Variants in MTUS1 observed in about 807,000 individuals in gnomAD.
MTUS1 encodes the protein microtubule associated scaffold protein 1.
MTUS1 carries 109 observed loss-of-function variants against 120.8 expected under a neutral mutation model. The observed-to-expected ratio is 0.90, with a 90% CI of 0.77 to 1.06. MTUS1 has a LOEUF of 1.06. MTUS1 is among the 50% of genes least tolerant of loss of function. The probability of loss-of-function intolerance (pLI) is 0.00; values close to 1 mark genes in which losing one functional copy is unlikely to be tolerated. For missense variants in MTUS1, 2,210 were observed against 1,486.3 expected (o/e 1.49, Z -8.01); for synonymous variants, 737 against 550.5 (o/e 1.34, Z -4.74).
chr8:17,646,185 A>AC (rs981121487), intron 14 of MTUS1, 46 bp from the exon 15 acceptor site: 1 of 1,502,254 alleles, frequency 6.7e-7, no homozygotes, highest in Admixed American at 2.5e-5. Flanking sequence ...TAAAAAAAAA[A>AC]AAAACTTGAA....
chr8:17,659,158 G>A (rs996703385), intron 8 of MTUS1, among the ~76,000 whole-genome samples: 4 of 152,028 alleles, frequency 2.6e-5, no homozygotes, highest in African/African-American at 4.8e-5. Flanking sequence ...TGAGCAGTCT[G>A]AATTCTGATT....
chr8:17,796,877 C>T (rs2052282633), intron 1 of MTUS1, among the ~76,000 whole-genome samples: 1 of 152,176 alleles, frequency 6.6e-6, no homozygotes, highest in Non-Finnish European at 1.5e-5. Context: ...ATTTGGGAGG[C>T]TGACGTAGGC....
intron 1 of MTUS1, among the ~76,000 whole-genome samples, chr8:17,797,510 A>G (rs933038770): frequency 6.6e-6 from 1 of 152,200 alleles, no homozygotes; most frequent in Admixed American, 6.5e-5. Context: ...CCAGGTATAA[A>G]GTCTCCCTGG....
intron 8 of MTUS1, among the ~76,000 whole-genome samples, chr8:17,668,398 T>C (rs1811342333): frequency 1.3e-5 from 2 of 152,198 alleles, no homozygotes; most frequent in Non-Finnish European, 2.9e-5. Flanking sequence ...CTAAAGATCA[T>C]AATCATGGCC....
chr8:17,688,612 A>G (rs1816327204), intron 6 of MTUS1, among the ~76,000 whole-genome samples: 1 of 152,226 alleles, frequency 6.6e-6, no homozygotes, highest in East Asian at 1.9e-4. Flanking sequence ...AAGCCCTCAC[A>G]GGGACACTGA....
At chr8:17,774,238 T>C (rs1404853315) in intron 1 of MTUS1, among the ~76,000 whole-genome samples, 1 of 152,200 alleles carries the variant, frequency 6.6e-6, no homozygotes, top group African/African-American at 2.4e-5. Context: ...ACAATGCAGC[T>C]ACTACTAGTT....
At chr8:17,654,835 C>A (rs1387564708) in intron 9 of MTUS1, 169 bp from the exon 10 acceptor site, 3 of 597,030 alleles carry the variant, frequency 5.0e-6, no homozygotes, top group Non-Finnish European at 9.0e-6. Flanking sequence ...ACACTTGTAA[C>A]CTCAGCACTC....
At chr8:17,694,786 TAAG>T (rs780973306) in intron 6 of MTUS1, among the ~76,000 whole-genome samples, 23 of 151,886 alleles carry the variant, frequency 1.5e-4, no homozygotes, top group Non-Finnish European at 2.5e-4. Flanking sequence ...GGTAAAAAAA[TAAG>T]GAGACAAATC....
intron 6 of MTUS1, among the ~76,000 whole-genome samples, chr8:17,709,996 G>A (rs897063190): frequency 7.1e-6 from 1 of 140,272 alleles, no homozygotes; most frequent in African/African-American, 2.5e-5. Context: ...GACAGAGCAA[G>A]ACTCTGTCTC....
intron 1 of MTUS1, among the ~76,000 whole-genome samples, chr8:17,787,270 C>G (rs1237399432): frequency 6.6e-6 from 1 of 152,234 alleles, no homozygotes; most frequent in African/African-American, 2.4e-5. Flanking sequence ...TCAAAGTCCA[C>G]AGTGTTCCCA....
chr8:17,780,742 A>G (rs1379417551), intron 1 of MTUS1: 1 of 152,260 alleles, frequency 6.6e-6, no homozygotes, highest in African/African-American at 2.4e-5. Flanking sequence ...TTCTCAAAAC[A>G]GCAACCAGAG....
chr8:17,735,891 G>A (rs145851257), intron 3 of MTUS1, among the ~76,000 whole-genome samples: 1 of 152,306 alleles, frequency 6.6e-6, no homozygotes, highest in Non-Finnish European at 1.5e-5. Context: ...GAAATAATGA[G>A]CATACAGCAC....
intron 6 of MTUS1, among the ~76,000 whole-genome samples, chr8:17,689,345 A>T (rs924113302): frequency 6.6e-6 from 1 of 152,028 alleles, no homozygotes; most frequent in African/African-American, 2.4e-5. Flanking sequence ...GCAATAGCTC[A>T]TATTATATCA....
intron 1 of MTUS1, among the ~76,000 whole-genome samples, chr8:17,776,678 C>CAAAAAA (rs71215272): frequency 1.8e-5 from 1 of 55,176 alleles, no homozygotes; most frequent in East Asian, 7.6e-4. Flanking sequence ...GACTCTGTCT[C>CAAAAAA]AAAAAAAAAA....
intron 1 of MTUS1, among the ~76,000 whole-genome samples, chr8:17,785,258 A>G (rs1332729109): frequency 6.6e-6 from 1 of 152,244 alleles, no homozygotes; most frequent in Non-Finnish European, 1.5e-5. Context: ...AAATAATTAC[A>G]AAAACTGCAA....
chr8:17,756,322 C>G (rs1230745484), intron 1 of MTUS1, among the ~76,000 whole-genome samples: 1 of 152,028 alleles, frequency 6.6e-6, no homozygotes, highest in African/African-American at 2.4e-5. Flanking sequence ...GACAATTCAC[C>G]CAAATTTGCT....
In MTUS1 at chr8:17,646,129, T is replaced by C; in HGVS notation, c.3610A>G (p.Thr1204Ala). Residue 1204 changes from threonine to alanine, a missense_variant, in exon 15 of 15, where the codon ACG (threonine) becomes GCG (alanine). Physicochemically the swap from Thr to Ala is moderately conservative, Grantham distance 58 (BLOSUM62 0). Coordinates refer to ENST00000693296, the MANE Select transcript of MTUS1 (RefSeq NM_001363059.2). ...KHMAISRQLS[T>A]EQAVLQESLE... ...GACTCTTGCAGAACAGCCTGCTCCG[T>C]GGAAAGCTGCCTTGAAGAAAAAGGC... The C allele has an allele frequency of 1.2e-6, 2 of 1,609,712 alleles. No individual in the cohort carries two copies. The highest frequency in any genetic ancestry group is 1.7e-6 in the Non-Finnish European group (2 of 1,178,622).
chr8:17,768,871 A>G (rs1207206882), intron 1 of MTUS1, among the ~76,000 whole-genome samples: 1 of 152,206 alleles, frequency 6.6e-6, no homozygotes, highest in Non-Finnish European at 1.5e-5. Flanking sequence ...TTACACCAAT[A>G]AAGATTAAAC....
chr8:17,743,027 C>T (rs879264046), intron 3 of MTUS1, among the ~76,000 whole-genome samples: 5 of 151,094 alleles, frequency 3.3e-5, no homozygotes, highest in Non-Finnish European at 7.3e-5. Context: ...TCTGTACGTC[C>T]GCCAAATTTA....
Sources: allele counts gnomAD v4.1 joint callset (sites outside exome capture counted in the v4.1 genomes callset), GRCh38; gene constraint gnomAD v4.1.1; transcripts MANE v1.5; gene names NCBI Gene and HGNC (gene_info 2026-07-23, HGNC 2026-07-21).